NRXN3: variants seen among roughly 807,000 people sequenced by gnomAD.
NRXN3 encodes neurexin 3.
In NRXN3, 32 loss-of-function variants were observed where a neutral mutation model predicts 137.6. The observed-to-expected ratio is 0.23, with a 90% confidence interval of 0.18 to 0.31. The LOEUF (loss-of-function observed/expected upper bound fraction) is 0.31, where lower values mean the gene tolerates loss of function less well. Among genes scored for constraint, NRXN3 ranks in the 10% least tolerant of loss-of-function variants. The pLI is 1.00. For synonymous variants in NRXN3, 798 were observed against 784.5 expected, an observed-to-expected ratio of 1.02 and a Z score of -0.29; for missense variants, 1,574 against 2,062.5, an observed-to-expected ratio of 0.76 and a Z score of 4.59.
chr14:78,660,312 A>G (rs1020430994), intron 6 of NRXN3, among the ~76,000 whole-genome samples: 2 of 150,280 alleles, frequency 1.3e-5, no homozygotes, highest in African/African-American at 5.0e-5. Flanking sequence ...TTCATCTGAT[A>G]CATGTTTCTT....
chr14:78,238,373 T>A (rs970553672), intron 1 of NRXN3, among the ~76,000 whole-genome samples: 5 of 152,190 alleles, frequency 3.3e-5, no homozygotes, highest in African/African-American at 1.2e-4. Context: ...ACCACCTGTG[T>A]GCGTGGCTGC....
At chr14:78,790,959 A>G (rs1052098233) in intron 8 of NRXN3, among the ~76,000 whole-genome samples, 5 of 152,070 alleles carry the variant, frequency 3.3e-5, no homozygotes, top group Non-Finnish European at 5.9e-5. Context: ...TGAATTGCAT[A>G]CTCTAGTACT....
At chr14:79,750,648 C>G (rs1390987952) in intron 19 of NRXN3, among the ~76,000 whole-genome samples, 1 of 152,112 alleles carries the variant, frequency 6.6e-6, no homozygotes, top group Non-Finnish European at 1.5e-5. Flanking sequence ...AACAGCCTCC[C>G]CACCCAATCA....
At chr14:78,234,599 T>C (rs2065922401) in intron 1 of NRXN3, among the ~76,000 whole-genome samples, 1 of 152,158 alleles carries the variant, frequency 6.6e-6, no homozygotes, top group Non-Finnish European at 1.5e-5. Context: ...CTAGCACCAG[T>C]CTTCTACTTT....
intron 15 of NRXN3, among the ~76,000 whole-genome samples, chr14:79,266,878 G>C (rs1220486940): frequency 6.6e-6 from 1 of 152,124 alleles, no homozygotes; most frequent in Non-Finnish European, 1.5e-5. Flanking sequence ...GTAACCCCAG[G>C]TTGCAATTCC....
At chr14:79,212,827 T>G (rs1477111271) in intron 15 of NRXN3, among the ~76,000 whole-genome samples, 1 of 151,862 alleles carries the variant, frequency 6.6e-6, no homozygotes, top group East Asian at 1.9e-4. Context: ...GAGAGACATA[T>G]AGTATACAAC....
chr14:79,628,815 C>T (rs529257528), intron 16 of NRXN3, among the ~76,000 whole-genome samples: 16 of 152,250 alleles, frequency 1.1e-4, no homozygotes, highest in South Asian at 4.1e-4. Flanking sequence ...GAAAACTGTA[C>T]GACGTGAAAG....
intron 13 of NRXN3, 50 bp from the exon 14 acceptor site, chr14:78,968,123 G>A (rs374061200): frequency 5.0e-4 from 573 of 1,154,032 alleles, no homozygotes; most frequent in Non-Finnish European, 6.2e-4. Context: ...AGTTGACATG[G>A]TCACCACATC....
At chr14:78,242,187 G>T (rs1309401611) in intron 1 of NRXN3, among the ~76,000 whole-genome samples, 1 of 152,144 alleles carries the variant, frequency 6.6e-6, no homozygotes, top group Non-Finnish European at 1.5e-5. Flanking sequence ...AAACCTGAGT[G>T]CATCATTAGG....
intron 15 of NRXN3, among the ~76,000 whole-genome samples, chr14:79,365,143 C>T (rs1048883946): frequency 4.0e-5 from 6 of 151,856 alleles, no homozygotes; most frequent in African/African-American, 1.5e-4. Flanking sequence ...TTGTGGGTTC[C>T]TTCATGTGAC....
chr14:78,656,593 AACGGG>A (rs2097786248), intron 6 of NRXN3, among the ~76,000 whole-genome samples: 1 of 152,262 alleles, frequency 6.6e-6, no homozygotes, highest in East Asian at 1.9e-4. Flanking sequence ...TTCTCTAGGT[AACGGG>A]GGAGCCATTG....
chr14:78,832,943 A>C (rs1028181356), intron 10 of NRXN3, among the ~76,000 whole-genome samples: 1 of 152,220 alleles, frequency 6.6e-6, no homozygotes, highest in Non-Finnish European at 1.5e-5. Context: ...CAGGTCTGGT[A>C]TACATGGAAT....
chr14:79,452,333 G>C (rs2096188038), intron 15 of NRXN3, among the ~76,000 whole-genome samples: 1 of 152,116 alleles, frequency 6.6e-6, no homozygotes, highest in Non-Finnish European at 1.5e-5. Context: ...TTTCTAAAAA[G>C]AGACTGGTGT....
chr14:79,285,855 G>T (rs1236804311), intron 15 of NRXN3, among the ~76,000 whole-genome samples: 1 of 146,270 alleles, frequency 6.8e-6, no homozygotes, highest in African/African-American at 2.6e-5. Flanking sequence ...ACCGTGCGCT[G>T]CCCCCCACCG....
At chr14:78,196,531 C>T (rs1054293694) in intron 1 of NRXN3, among the ~76,000 whole-genome samples, 15 of 152,174 alleles carry the variant, frequency 9.9e-5, no homozygotes, top group Admixed American at 9.2e-4. Flanking sequence ...GGCTAGGTGG[C>T]AACAGAGAGC....
chr14:79,182,768 A>G (rs2153138021), intron 15 of NRXN3, among the ~76,000 whole-genome samples: 1 of 152,348 alleles, frequency 6.6e-6, no homozygotes, highest in Non-Finnish European at 1.5e-5. Flanking sequence ...GGATTAAGAC[A>G]GGCATTAAAC....
At chr14:78,173,623 AC>A (rs1261428210) in intron 1 of NRXN3, among the ~76,000 whole-genome samples, 2 of 52,330 alleles carry the variant, frequency 3.8e-5, no homozygotes, top group African/African-American at 7.8e-5. Context: ...CCCTAGGCGC[AC>A]CCCCCCTTCC....
intron 1 of NRXN3, 114 bp from the exon 2 acceptor site, chr14:78,242,277 A>G (rs189485133): frequency 6.6e-6 from 1 of 152,206 alleles, no homozygotes; most frequent in Non-Finnish European, 1.5e-5. Context: ...AGCAATCACT[A>G]GAATAGCTTG....
At chr14:78,502,247 G>A (rs1190765154) in intron 4 of NRXN3, among the ~76,000 whole-genome samples, 1 of 152,286 alleles carries the variant, frequency 6.6e-6, no homozygotes, top group East Asian at 1.9e-4. Context: ...GGAACACCCT[G>A]CCATGTTGAG....
Sources: gnomAD v4.1 joint callset for allele counts (sites outside exome capture counted in the v4.1 genomes callset) on GRCh38, gnomAD v4.1.1 for gene constraint, MANE v1.5 for transcripts, NCBI Gene and HGNC (gene_info 2026-07-23, HGNC 2026-07-21) for gene names.